The following SHROOM4 variants were observed in gnomAD, a reference collection of about 807,000 sequenced individuals.
The protein encoded by SHROOM4 is protein Shroom4.
Under a neutral mutation model 80.3 loss-of-function variants are expected in SHROOM4, and 17 were observed. The ratio of observed to expected loss-of-function variants is 0.21; its 90% CI spans 0.14 to 0.32. The LOEUF (loss-of-function observed/expected upper bound fraction) is 0.32. Ranked by LOEUF, SHROOM4 falls within the 10% of genes least tolerant of loss-of-function variation. SHROOM4 has a pLI of 1.00. For missense variants in SHROOM4, 993 were observed against 1,140.3 expected, an observed-to-expected ratio of 0.87 and a Z score of 1.86; for synonymous variants, 400 against 437.5, an observed-to-expected ratio of 0.91 and a Z score of 1.07.
chrX:50,595,625 T>C lies in SHROOM4; in HGVS notation c.*1070A>G. ...CAGGCCACAGTAGGGAGGCTCTGAG[T>C]TCAAGGGGAAAACTCCTTCCTAGAC... On this transcript the variant is annotated 3_prime_UTR_variant, in exon 9 of 9. Coordinates refer to ENST00000376020, the MANE Select transcript of SHROOM4 (RefSeq NM_020717.5). 2 of 248,412 alleles carry C rather than the reference T, an allele frequency of 8.1e-6. No individual in the cohort carries two copies. The highest frequency in any genetic ancestry group is 1.5e-5 in the Non-Finnish European group (2 of 133,885). 20.5% of individuals were successfully genotyped at this position (248,412 alleles called of 1,213,427 possible).
At chrX:50,736,815 G>T (rs963459973) in intron 1 of SHROOM4, among the ~76,000 whole-genome samples, 2 of 112,038 alleles carry the variant, frequency 1.8e-5, no homozygotes, top group African/African-American at 6.5e-5. Context: ...TTGAGGAATT[G>T]CCACACTGTC....
At chrX:50,697,131 G>A (rs1933390395) in intron 1 of SHROOM4, among the ~76,000 whole-genome samples, 1 of 111,610 alleles carries the variant, frequency 9.0e-6, no homozygotes, top group Admixed American at 9.5e-5. Context: ...TCTAGCCTCA[G>A]GGGCAGAAAT....
At chrX:50,600,935 G>T (rs1168819644) in intron 7 of SHROOM4, among the ~76,000 whole-genome samples, 1 of 111,799 alleles carries the variant, frequency 8.9e-6, no homozygotes, top group Non-Finnish European at 1.9e-5. Flanking sequence ...GATGGCTAGG[G>T]GCCATCTAGA....
At chrX:50,724,122 G>A (rs782086756) in intron 1 of SHROOM4, among the ~76,000 whole-genome samples, 2 of 110,710 alleles carry the variant, frequency 1.8e-5, no homozygotes, top group Admixed American at 9.7e-5. Flanking sequence ...CCCGCTCAAC[G>A]CCAATATCCC....
Position 50,587,518 on chromosome X carries a change from T to A in SHROOM4, c.*9177A>T, listed in dbSNP as rs1928782118. ...CTGCAGTAGCAAAGAGATTCATGAG[T>A]TTAGCCTATTGCACATAGCTGAAGA... is the stretch of plus-strand genomic sequence containing the variant. On this transcript the variant is annotated 3_prime_UTR_variant, in exon 9 of 9. Coordinates refer to ENST00000376020, the MANE Select transcript of SHROOM4 (RefSeq NM_020717.5). Among the ~76,000 whole-genome samples, 1 of 112,286 alleles carries A rather than the reference T, an allele frequency of 8.9e-6. No homozygotes were observed. Among genetic ancestry groups the A allele is most frequent in the Non-Finnish European group, 1.9e-5 (1 of 53,207 alleles).
chrX:50,805,599 A>G (rs1162925898), intron 1 of SHROOM4, among the ~76,000 whole-genome samples: 1 of 111,805 alleles, frequency 8.9e-6, no homozygotes, highest in African/African-American at 3.3e-5. Context: ...AGGAGTGTGG[A>G]GAAAAGCAAT....
chrX:50,715,664 G>A (rs1933931391), intron 1 of SHROOM4, among the ~76,000 whole-genome samples: 1 of 110,908 alleles, frequency 9.0e-6, no homozygotes, highest in Admixed American at 9.6e-5. Context: ...CTGTTAGGAT[G>A]GCTACTATCA....
At chrX:50,786,204 T>TGTC (rs1557271059) in intron 1 of SHROOM4, among the ~76,000 whole-genome samples, 1 of 111,825 alleles carries the variant, frequency 8.9e-6, no homozygotes, top group Non-Finnish European at 1.9e-5. Flanking sequence ...TTAGACCACA[T>TGTC]GTCCAGTGCC....
At chrX:50,735,955 C>T (rs989111030) in intron 1 of SHROOM4, among the ~76,000 whole-genome samples, 6 of 106,247 alleles carry the variant, frequency 5.6e-5, no homozygotes, top group African/African-American at 1.4e-4. Context: ...TGCAGTGAGC[C>T]GAGACCGCGC....
chrX:50,747,820 G>C (rs1934806781), intron 1 of SHROOM4, among the ~76,000 whole-genome samples: 1 of 112,131 alleles, frequency 8.9e-6, no homozygotes, highest in Non-Finnish European at 1.9e-5. Flanking sequence ...AGGAGGAGAA[G>C]GGGGGAACAT....
chrX:50,755,585 T>C (rs1453595148), intron 1 of SHROOM4, among the ~76,000 whole-genome samples: 2 of 112,379 alleles, frequency 1.8e-5, no homozygotes, highest in African/African-American at 6.5e-5. Context: ...AGGTGCTCAG[T>C]AAACATCTGT....
intron 1 of SHROOM4, among the ~76,000 whole-genome samples, chrX:50,742,273 A>T (rs956849138): frequency 2.7e-5 from 3 of 111,581 alleles, no homozygotes; most frequent in African/African-American, 9.7e-5. Context: ...TACTATAGAG[A>T]TTTACCATCC....
Position 50,730,376 on chromosome X carries a change from G to A in SHROOM4, c.118-34439C>T, listed in dbSNP as rs183164637. ...CAGGAGGTGGAAGTTGCAGTGAGCT[G>A]AGATCGCCCCATTACACTCCAGCCT... On this transcript the variant is annotated intron_variant, in intron 1 of 8. Coordinates refer to ENST00000376020, the MANE Select transcript of SHROOM4 (RefSeq NM_020717.5). 9.1e-3 allele frequency among the ~76,000 whole-genome samples: 1,008 copies of A among 110,412 alleles called. 13 individuals carry two copies. The highest frequency in any genetic ancestry group is 0.031 in the African/African-American group (947 of 30,250).
intron 1 of SHROOM4, among the ~76,000 whole-genome samples, chrX:50,785,350 C>T (rs1935718309): frequency 9.0e-6 from 1 of 111,573 alleles, no homozygotes; most frequent in Non-Finnish European, 1.9e-5. Flanking sequence ...CTGTTCATAG[C>T]AGCTTTATTC....
chrX:50,709,207 T>G (rs1388873524), intron 1 of SHROOM4, among the ~76,000 whole-genome samples: 1 of 111,622 alleles, frequency 9.0e-6, no homozygotes, highest in East Asian at 2.8e-4. Flanking sequence ...CTTAAACATT[T>G]AGATTCTCCC....
At chrX:50,766,927 C>A (rs1935288384) in intron 1 of SHROOM4, among the ~76,000 whole-genome samples, 1 of 111,261 alleles carries the variant, frequency 9.0e-6, no homozygotes, top group Non-Finnish European at 1.9e-5. Flanking sequence ...GAGGAAACAG[C>A]AAATTATGAC....
chrX:50,698,131 A>G (rs1933421986), intron 1 of SHROOM4, among the ~76,000 whole-genome samples: 1 of 112,422 alleles, frequency 8.9e-6, no homozygotes, highest in African/African-American at 3.2e-5. Context: ...TTAATTAAAC[A>G]CTCTGTTACA....
At chrX:50,642,631 T>A (rs1704234932) in intron 2 of SHROOM4, among the ~76,000 whole-genome samples, 1 of 110,484 alleles carries the variant, frequency 9.1e-6, no homozygotes, top group African/African-American at 3.3e-5. Flanking sequence ...CCCGGCTAAT[T>A]TTTTTGTATT....
chrX:50,611,539 T>C (rs1313573878), intron 5 of SHROOM4, among the ~76,000 whole-genome samples: 1 of 111,967 alleles, frequency 8.9e-6, no homozygotes, highest in Non-Finnish European at 1.9e-5. Flanking sequence ...AAAATCTAAT[T>C]TGAAATTGTT....
Sources: allele counts gnomAD v4.1 joint callset (sites outside exome capture counted in the v4.1 genomes callset), GRCh38; gene constraint gnomAD v4.1.1; transcripts MANE v1.5; gene names NCBI Gene and HGNC (gene_info 2026-07-23, HGNC 2026-07-21).